Variants in AGBL1 observed in about 807,000 individuals in gnomAD.
AGBL1 encodes cytosolic carboxypeptidase 4.
AGBL1 carries 130 observed loss-of-function variants against 118.9 expected under a neutral mutation model. That is an observed-to-expected ratio of 1.09 (90% confidence interval 0.95 to 1.26). AGBL1 has a LOEUF of 1.26. Among genes scored for constraint, AGBL1 ranks in the 50% most tolerant of loss-of-function variants. The probability of loss-of-function intolerance (pLI) is 0.00; values close to 1 mark genes in which losing one functional copy is unlikely to be tolerated. For synonymous variants in AGBL1, 555 were observed against 478.9 expected, an observed-to-expected ratio of 1.16 and a Z score of -2.08; for missense variants, 1,584 against 1,298.1, an observed-to-expected ratio of 1.22 and a Z score of -3.38.
chr15:86,636,043 A>T (rs993212140), intron 21 of AGBL1, among the ~76,000 whole-genome samples: 1 of 152,188 alleles, frequency 6.6e-6, no homozygotes, highest in Admixed American at 6.5e-5. Context: ...CATGAACTAA[A>T]TAGATCCCTA....
chr15:86,344,405 G>A (rs182185628), intron 17 of AGBL1, among the ~76,000 whole-genome samples: 1 of 152,262 alleles, frequency 6.6e-6, no homozygotes, highest in Admixed American at 6.5e-5. Flanking sequence ...GCTATGCATT[G>A]CCAAGATCCA....
At chr15:86,237,105 A>T (rs534455361) in intron 6 of AGBL1, among the ~76,000 whole-genome samples, 1 of 152,170 alleles carries the variant, frequency 6.6e-6, no homozygotes, top group Non-Finnish European at 1.5e-5. Flanking sequence ...TTCCTGCTAG[A>T]CAAGAAACGT....
intron 5 of AGBL1, among the ~76,000 whole-genome samples, chr15:86,189,962 T>A (rs955012248): frequency 6.6e-5 from 10 of 152,122 alleles, no homozygotes; most frequent in African/African-American, 2.4e-4. Context: ...AATGTTACAT[T>A]TGCTATATAG....
At chr15:86,834,789 C>T (rs34182105) in intron 22 of AGBL1, among the ~76,000 whole-genome samples, 29,166 of 152,120 alleles carry the variant, frequency 0.19, 3,602 homozygotes, top group Non-Finnish European at 0.28. Context: ...GGAGCTTCTC[C>T]GTTGACACTA....
chr15:86,268,769 A>G (rs2079112176), intron 13 of AGBL1, among the ~76,000 whole-genome samples: 1 of 152,096 alleles, frequency 6.6e-6, no homozygotes, highest in Non-Finnish European at 1.5e-5. Context: ...CCACAGAGAC[A>G]GTGTGAGGAC....
rs868713401 is a variant in AGBL1, at chr15:86,827,492, T to C, written c.3159-79595T>C. 8.0e-4 allele frequency among the ~76,000 whole-genome samples: 26 copies of C among 32,366 alleles called. 1 individual carries two copies. The highest frequency in any genetic ancestry group is 3.3e-3 in the African/African-American group (26 of 7,804). 21.2% of individuals were successfully genotyped at this position (32,366 alleles called of 152,430 possible). A position where few individuals can be genotyped will look rare whatever the true frequency, so the allele number is the denominator to read the frequency against. ...ATACATATATATATATATGTGTGTA[T>C]ATATATATATATATATATATATATA... On this transcript the variant is annotated intron_variant, in intron 22 of 22. Transcript: ENST00000614907.
chr15:86,113,892 C>A (rs1387464270), intron 1 of AGBL1, among the ~76,000 whole-genome samples: 3 of 152,128 alleles, frequency 2.0e-5, no homozygotes, highest in Non-Finnish European at 4.4e-5. Context: ...ATTCTCCATG[C>A]CCCAAAGGAA....
chr15:86,400,253 C>G (rs2081424432), intron 18 of AGBL1, among the ~76,000 whole-genome samples: 1 of 152,074 alleles, frequency 6.6e-6, no homozygotes, highest in African/African-American at 2.4e-5. Context: ...TTAATCATTC[C>G]TCCCTTAGGA....
intron 16 of AGBL1, among the ~76,000 whole-genome samples, chr15:86,281,369 G>A (rs960606247): frequency 2.0e-5 from 3 of 151,984 alleles, no homozygotes; most frequent in Non-Finnish European, 4.4e-5. Flanking sequence ...GGCAACCAAG[G>A]GAGACCCTAT....
chr15:86,391,187 A>G (rs1048267270), intron 17 of AGBL1, among the ~76,000 whole-genome samples: 5 of 152,156 alleles, frequency 3.3e-5, no homozygotes, highest in Admixed American at 2.6e-4. Flanking sequence ...GACTTGTAAC[A>G]TAAAATTGGT....
chr15:86,889,574 G>A (rs1213582054), intron 22 of AGBL1, among the ~76,000 whole-genome samples: 1 of 152,130 alleles, frequency 6.6e-6, no homozygotes, highest in Non-Finnish European at 1.5e-5. Context: ...AGGCCCCAGT[G>A]TGTGTTATTC....
At chr15:86,262,078 CTTT>C (rs61365024) in intron 9 of AGBL1, among the ~76,000 whole-genome samples, 2,074 of 52,812 alleles carry the variant, frequency 0.039, 321 homozygotes, top group East Asian at 0.29. Context: ...GCATAGCTGG[CTTT>C]TTTTTTTTTT....
At chr15:86,796,247 G>A (rs924758432) in intron 22 of AGBL1, among the ~76,000 whole-genome samples, 2 of 152,190 alleles carry the variant, frequency 1.3e-5, no homozygotes, top group Non-Finnish European at 2.9e-5. Context: ...GAAGAGATGA[G>A]TTGGATGACT....
At chr15:86,302,866 A>G (rs1040666912) in intron 17 of AGBL1, among the ~76,000 whole-genome samples, 4 of 152,220 alleles carry the variant, frequency 2.6e-5, no homozygotes, top group Non-Finnish European at 4.4e-5. Flanking sequence ...AGCAGATAAA[A>G]TGGGAAAAGT....
At chr15:87,008,264 A>T (rs896344443) in intron 24 of AGBL1, among the ~76,000 whole-genome samples, 1 of 152,090 alleles carries the variant, frequency 6.6e-6, no homozygotes, top group Non-Finnish European at 1.5e-5. Flanking sequence ...GTGGGAGGTG[A>T]TTGAATCATG....
At chr15:86,518,672 A>G (rs1422260632) in intron 18 of AGBL1, among the ~76,000 whole-genome samples, 2 of 152,144 alleles carry the variant, frequency 1.3e-5, no homozygotes, top group Non-Finnish European at 2.9e-5. Context: ...CAATCAAGGT[A>G]AACATAGGCA....
At chr15:86,697,067 A>G (rs1228705411) in intron 22 of AGBL1, among the ~76,000 whole-genome samples, 2 of 151,852 alleles carry the variant, frequency 1.3e-5, no homozygotes, top group Non-Finnish European at 2.9e-5. Context: ...CCTGATGACT[A>G]TGTGCCTAGG....
chr15:86,761,033 T>G (rs1485600432), intron 22 of AGBL1, among the ~76,000 whole-genome samples: 2 of 152,082 alleles, frequency 1.3e-5, no homozygotes, highest in African/African-American at 4.8e-5. Context: ...ATTCTAGCCT[T>G]GCCTTCTCCA....
At chr15:86,833,928 C>G (rs78409171) in intron 22 of AGBL1, among the ~76,000 whole-genome samples, 21,840 of 151,980 alleles carry the variant, frequency 0.14, 1,939 homozygotes, top group Non-Finnish European at 0.2. Flanking sequence ...AATTAAAGAC[C>G]CTCAGTTTCC....
Sources: gnomAD v4.1 joint callset for allele counts (sites outside exome capture counted in the v4.1 genomes callset) on GRCh38, gnomAD v4.1.1 for gene constraint, MANE v1.5 for transcripts, NCBI Gene and HGNC (gene_info 2026-07-23, HGNC 2026-07-21) for gene names.